Variants in NCALD observed in about 807,000 individuals in gnomAD.
The protein encoded by NCALD is neurocalcin-delta.
Under a neutral mutation model 18.6 loss-of-function variants are expected in NCALD, and 10 were observed. That is an observed-to-expected ratio of 0.54 (90% CI 0.33 to 0.91). The LOEUF (loss-of-function observed/expected upper bound fraction) is 0.91, where lower values mean the gene tolerates loss of function less well. Ranked by LOEUF, NCALD falls within the 40% of genes least tolerant of loss-of-function variation. NCALD has a pLI of 0.03. For missense variants in NCALD, 184 were observed against 247.6 expected (o/e 0.74, Z 1.72); for synonymous variants, 88 against 87.4 (o/e 1.01, Z -0.04).
At chr8:101,959,316 G>A (rs1303120139) in intron 2 of NCALD, among the ~76,000 whole-genome samples, 4 of 152,044 alleles carry the variant, frequency 2.6e-5, no homozygotes, top group Non-Finnish European at 5.9e-5. Flanking sequence ...TCCCAGAAGT[G>A]ATGCTGTGTC....
intron 4 of NCALD, among the ~76,000 whole-genome samples, chr8:101,838,572 G>A (rs562029198): frequency 2.0e-5 from 3 of 152,250 alleles, no homozygotes; most frequent in Admixed American, 6.5e-5. Flanking sequence ...CAGAAAACAG[G>A]GGTTTTCTAA....
At chr8:102,094,996 G>A (rs144829193) in intron 1 of NCALD, among the ~76,000 whole-genome samples, 7 of 152,318 alleles carry the variant, frequency 4.6e-5, no homozygotes, top group African/African-American at 1.7e-4. Context: ...GAACTGTAAA[G>A]GAATACAATT....
intron 2 of NCALD, among the ~76,000 whole-genome samples, chr8:101,951,261 G>A (rs994921281): frequency 1.4e-4 from 21 of 152,188 alleles, no homozygotes; most frequent in Non-Finnish European, 2.4e-4. Context: ...ATGGCAAAAC[G>A]TTTGGTATAA....
At chr8:102,120,013 A>G (rs1284710735) in intron 1 of NCALD, among the ~76,000 whole-genome samples, 2 of 152,230 alleles carry the variant, frequency 1.3e-5, no homozygotes, top group Non-Finnish European at 2.9e-5. Flanking sequence ...CTAGAGCTTC[A>G]CACTAAGCTC....
intron 4 of NCALD, among the ~76,000 whole-genome samples, chr8:101,832,272 C>A (rs994059463): frequency 6.6e-6 from 1 of 152,154 alleles, no homozygotes; most frequent in African/African-American, 2.4e-5. Context: ...CTCTCTCTCT[C>A]TGCCATAAAT....
intron 2 of NCALD, among the ~76,000 whole-genome samples, chr8:102,020,057 G>A (rs188180052): frequency 6.6e-6 from 1 of 152,180 alleles, no homozygotes; most frequent in East Asian, 1.9e-4. Context: ...TGTATGCTGT[G>A]ATGAACATTT....
chr8:101,990,717 G>A (rs946519363), intron 2 of NCALD, among the ~76,000 whole-genome samples: 1 of 152,156 alleles, frequency 6.6e-6, no homozygotes, highest in Non-Finnish European at 1.5e-5. Context: ...GTCCATTAAA[G>A]CTACTTCTTT....
intron 1 of NCALD, among the ~76,000 whole-genome samples, chr8:101,725,114 C>T (rs1166691502): frequency 6.6e-6 from 1 of 152,084 alleles, no homozygotes; most frequent in Admixed American, 6.5e-5. Flanking sequence ...GGCAAAGGCC[C>T]CACCCTCAAG....
chr8:102,094,428 G>T (rs1309460854), intron 1 of NCALD, among the ~76,000 whole-genome samples: 1 of 152,182 alleles, frequency 6.6e-6, no homozygotes, highest in Non-Finnish European at 1.5e-5. Flanking sequence ...AAAGGGAAGT[G>T]ATCTGCCTAA....
chr8:101,952,713 G>A (rs1563928205), intron 2 of NCALD, among the ~76,000 whole-genome samples: 1 of 152,332 alleles, frequency 6.6e-6, no homozygotes, highest in East Asian at 1.9e-4. Flanking sequence ...CAGTGGGAAA[G>A]ATTTGAATGT....
chr8:101,745,115 C>A (rs555387915), intron 1 of NCALD, among the ~76,000 whole-genome samples: 2 of 151,662 alleles, frequency 1.3e-5, no homozygotes, highest in Non-Finnish European at 2.9e-5. Flanking sequence ...TTTATGAACT[C>A]TCAAAAAACG....
At chr8:101,819,263 C>CTTTA (rs1554639373) in intron 4 of NCALD, among the ~76,000 whole-genome samples, 21,301 of 147,794 alleles carry the variant, frequency 0.14, 1,792 homozygotes, top group Admixed American at 0.2. Context: ...AAATACATAA[C>CTTTA]TTTATTTATT....
chr8:102,086,995 A>G (rs1053969740), intron 1 of NCALD, among the ~76,000 whole-genome samples: 2 of 152,228 alleles, frequency 1.3e-5, no homozygotes, highest in Admixed American at 1.3e-4. Flanking sequence ...TATGGTCTAC[A>G]AAGGGGGAGA....
chr8:101,711,162 T>C (rs543487975), intron 2 of NCALD, among the ~76,000 whole-genome samples: 1 of 152,252 alleles, frequency 6.6e-6, no homozygotes, highest in East Asian at 1.9e-4. Context: ...CCAGCAGACC[T>C]GCAGAAGAGG....
chr8:101,747,399 G>A (rs1563726448), intron 1 of NCALD, among the ~76,000 whole-genome samples: 1 of 152,166 alleles, frequency 6.6e-6, no homozygotes, highest in African/African-American at 2.4e-5. Context: ...TGATGATATG[G>A]CTAAAATTGT....
chr8:101,820,577 G>A lies in NCALD; in HGVS notation c.-20+66564C>T, dbSNP rs546553508. Reference sequence around the variant, plus strand: ...TTTATACTGTAAAAAAATTAATACCGCTTTAGAATTTTCTGAAAATTGATA... The same window carrying A: ...TTTATACTGTAAAAAAATTAATACCACTTTAGAATTTTCTGAAAATTGATA... On this transcript the variant is annotated intron_variant, in intron 4 of 6. Coordinates refer to the NCALD transcript ENST00000311028. 1.2e-4 allele frequency among the ~76,000 whole-genome samples: 19 copies of A among 152,102 alleles called. 1 individual carries two copies. Among genetic ancestry groups the A allele is most frequent in the South Asian group, 1.0e-3 (5 of 4,814 alleles).
intron 1 of NCALD, among the ~76,000 whole-genome samples, chr8:102,049,303 A>G (rs1285260032): frequency 6.6e-6 from 1 of 152,200 alleles, no homozygotes; most frequent in African/African-American, 2.4e-5. Context: ...CATGGATCCA[A>G]TCCCCCATGG....
chr8:102,044,995 C>CA (rs34080312), intron 1 of NCALD, among the ~76,000 whole-genome samples: 1 of 151,828 alleles, frequency 6.6e-6, no homozygotes, highest in Non-Finnish European at 1.5e-5. Context: ...AACAGCTCTA[C>CA]AAAAAAAGAA....
intron 2 of NCALD, among the ~76,000 whole-genome samples, chr8:101,939,800 A>G (rs17495818): frequency 0.37 from 55,954 of 152,056 alleles, 10,641 homozygotes; most frequent in South Asian, 0.44. Flanking sequence ...GGTATTTCCC[A>G]TCTGATAATG....
Sources: allele counts gnomAD v4.1 joint callset (sites outside exome capture counted in the v4.1 genomes callset), GRCh38; gene constraint gnomAD v4.1.1; transcripts MANE v1.5; gene names NCBI Gene and HGNC (gene_info 2026-07-23, HGNC 2026-07-21).